CORIN: variants seen among roughly 807,000 people sequenced by gnomAD.
CORIN encodes corin, serine peptidase, also known as atrial natriuretic peptide-converting enzyme.
CORIN carries 117 observed loss-of-function variants against 125.3 expected under a neutral mutation model. The observed-to-expected ratio is 0.93, with a 90% CI of 0.80 to 1.09. The LOEUF (loss-of-function observed/expected upper bound fraction) is 1.09, where lower values mean the gene tolerates loss of function less well. Ranked by LOEUF, CORIN falls within the 50% of genes least tolerant of loss-of-function variation. CORIN has a pLI of 0.00. For missense variants in CORIN, 1,253 were observed against 1,306.7 expected (o/e 0.96, Z 0.63); for synonymous variants, 450 against 466.4 (o/e 0.96, Z 0.45).
intron 20 of CORIN, among the ~76,000 whole-genome samples, 198 bp from the exon 21 acceptor site, chr4:47,600,545 C>G (rs1436368180): frequency 6.6e-6 from 1 of 152,106 alleles, no homozygotes; most frequent in East Asian, 1.9e-4. Context: ...GCATTCATAG[C>G]AATTATCCGG....
rs1241861933 is a variant in CORIN at position 47,629,640 on chromosome 4, CTT to C, written c.2199-3121_2199-3120del. Among the ~76,000 whole-genome samples, 12 of 152,184 alleles carry C rather than the reference CTT, an allele frequency of 7.9e-5. No individual in the cohort carries two copies. The South Asian group carries it at 2.5e-3, about 32-fold the overall frequency. On this transcript the variant is annotated intron_variant, in intron 16 of 21. Coordinates refer to ENST00000273857, the MANE Select transcript of CORIN (RefSeq NM_006587.4). ...ACCACTGTAAATAGTGTTTGAGTATCTTTGTCAAGCTCTTTCTACAATTCATG... is the reference window on the plus strand; with the variant it reads ...ACCACTGTAAATAGTGTTTGAGTATCTGTCAAGCTCTTTCTACAATTCATG...
intron 5 of CORIN, among the ~76,000 whole-genome samples, chr4:47,708,064 T>C (rs943074399): frequency 1.3e-5 from 2 of 152,232 alleles, no homozygotes; most frequent in Non-Finnish European, 2.9e-5. Context: ...GTGGTGGAGC[T>C]ACATATCAGA....
intron 6 of CORIN, among the ~76,000 whole-genome samples, chr4:47,690,920 T>C (rs1725736272): frequency 6.6e-6 from 1 of 152,228 alleles, no homozygotes; most frequent in Non-Finnish European, 1.5e-5. Context: ...CTTCAATGTC[T>C]GTGTTTTCAT....
At chr4:47,757,878 GTATA>G (rs59621469) in intron 4 of CORIN, among the ~76,000 whole-genome samples, 1,687 of 123,896 alleles carry the variant, frequency 0.014, 41 homozygotes, top group African/African-American at 0.048. Context: ...ATATATATAT[GTATA>G]TATATATATA....
At chr4:47,671,200 T>C (rs1292548921) in intron 10 of CORIN, among the ~76,000 whole-genome samples, 2 of 152,176 alleles carry the variant, frequency 1.3e-5, no homozygotes, top group Non-Finnish European at 2.9e-5. Context: ...TTAGCGACCA[T>C]TAGAAAATCA....
At chr4:47,651,811 C>T (rs1022708339) in intron 13 of CORIN, among the ~76,000 whole-genome samples, 3 of 152,064 alleles carry the variant, frequency 2.0e-5, no homozygotes, top group African/African-American at 4.8e-5. Context: ...ATTTTAGGGT[C>T]GTTTAAACCC....
intron 14 of CORIN, 40 bp from the exon 15 acceptor site, chr4:47,643,296 G>A: frequency 1.3e-6 from 2 of 1,536,338 alleles, no homozygotes; most frequent in Non-Finnish European, 1.8e-6. Flanking sequence ...AAACATTTTA[G>A]AAATAAATGT....
chr4:47,633,915 C>T (rs572762440), intron 16 of CORIN, among the ~76,000 whole-genome samples: 17 of 152,020 alleles, frequency 1.1e-4, no homozygotes, highest in Non-Finnish European at 1.5e-4. Context: ...TCTAAAAATA[C>T]GTGCATCACT....
intron 2 of CORIN, among the ~76,000 whole-genome samples, chr4:47,804,745 G>GGGGGGGA (rs1731697229): frequency 8.1e-6 from 1 of 122,792 alleles, no homozygotes; most frequent in African/African-American, 3.0e-5. Flanking sequence ...GAGGGGGGGG[G>GGGGGGGA]TTGTTAATGG....
At chr4:47,598,758 A>T (rs1721342550) in intron 21 of CORIN, among the ~76,000 whole-genome samples, 1 of 152,198 alleles carries the variant, frequency 6.6e-6, no homozygotes, top group South Asian at 2.1e-4. Flanking sequence ...GGGAAAATAA[A>T]GACACTGCCA....
intron 4 of CORIN, among the ~76,000 whole-genome samples, chr4:47,745,886 T>C (rs1577885170): frequency 1.3e-5 from 2 of 152,330 alleles, no homozygotes; most frequent in African/African-American, 2.4e-5. Context: ...GATAAAAATA[T>C]CTTACCTTCC....
intron 16 of CORIN, among the ~76,000 whole-genome samples, chr4:47,635,497 G>A (rs1019393282): frequency 5.3e-5 from 8 of 152,112 alleles, no homozygotes; most frequent in Non-Finnish European, 8.8e-5. Flanking sequence ...CAAAAATAAC[G>A]GTGAAGGAAA....
At chr4:47,811,302 C>G (rs1358528032) in intron 1 of CORIN, among the ~76,000 whole-genome samples, 1 of 152,120 alleles carries the variant, frequency 6.6e-6, no homozygotes, top group Non-Finnish European at 1.5e-5. Context: ...AACCATGCAC[C>G]CAGAGGTTCT....
At chr4:47,635,248 G>T (rs1030147555) in intron 16 of CORIN, among the ~76,000 whole-genome samples, 1 of 152,200 alleles carries the variant, frequency 6.6e-6, no homozygotes, top group African/African-American at 2.4e-5. Context: ...GATTGGTGTT[G>T]TATCAGATGG....
chr4:47,642,479 A>T (rs1322655537), intron 15 of CORIN, among the ~76,000 whole-genome samples: 1 of 152,224 alleles, frequency 6.6e-6, no homozygotes, highest in African/African-American at 2.4e-5. Context: ...TATATGTGTT[A>T]ATTCCTATTA....
At chr4:47,834,631 T>C (rs1404066921) in intron 1 of CORIN, among the ~76,000 whole-genome samples, 2 of 152,092 alleles carry the variant, frequency 1.3e-5, no homozygotes, top group African/African-American at 4.8e-5. Context: ...ATAATAACAA[T>C]AATAAAGATG....
chr4:47,666,407 T>C (rs914170766), intron 10 of CORIN, among the ~76,000 whole-genome samples: 4 of 152,152 alleles, frequency 2.6e-5, no homozygotes, highest in African/African-American at 9.7e-5. Context: ...GCAATGTAAA[T>C]GTAAGAGTAA....
At chr4:47,651,508 G>C (rs566252075) in intron 13 of CORIN, among the ~76,000 whole-genome samples, 3 of 152,148 alleles carry the variant, frequency 2.0e-5, no homozygotes, top group African/African-American at 7.2e-5. Context: ...CACTGAACAA[G>C]CCCATTCAAA....
intron 19 of CORIN, among the ~76,000 whole-genome samples, chr4:47,606,285 C>T (rs1007780306): frequency 1.3e-5 from 2 of 151,982 alleles, no homozygotes; most frequent in African/African-American, 4.8e-5. Context: ...CAGGGTCTTG[C>T]TCTGTCACCC....
Sources: allele counts gnomAD v4.1 joint callset (sites outside exome capture counted in the v4.1 genomes callset), GRCh38; gene constraint gnomAD v4.1.1; transcripts MANE v1.5; gene names NCBI Gene and HGNC (gene_info 2026-07-23, HGNC 2026-07-21).